PSD3: variants seen among roughly 807,000 people sequenced by gnomAD.
The protein encoded by PSD3 is pleckstrin and Sec7 domain containing 3, also known as PH and SEC7 domain-containing protein 3.
In PSD3, 49 loss-of-function variants were observed where a neutral mutation model predicts 105.5. The ratio of observed to expected loss-of-function variants is 0.46; its 90% CI spans 0.37 to 0.59. PSD3 has a LOEUF of 0.59. Among genes scored for constraint, PSD3 ranks in the 20% least tolerant of loss-of-function variants. The pLI is 0.00. For missense variants in PSD3, 1,561 were observed against 1,263.8 expected (o/e 1.24, Z -3.57); for synonymous variants, 557 against 457.8 (o/e 1.22, Z -2.77).
At chr8:19,049,244 G>C (rs552134709) in intron 1 of PSD3, among the ~76,000 whole-genome samples, 20 of 152,326 alleles carry the variant, frequency 1.3e-4, no homozygotes, top group Non-Finnish European at 2.9e-4. Flanking sequence ...TCCAAAAGGA[G>C]GTGATATCTT....
At chr8:18,568,245 T>A (rs545340338) in intron 14 of PSD3, among the ~76,000 whole-genome samples, 1 of 152,294 alleles carries the variant, frequency 6.6e-6, no homozygotes, top group South Asian at 2.1e-4. Context: ...TCCCAGCCAC[T>A]AAATATCACA....
chr8:18,547,721 G>A (rs1800530725), intron 15 of PSD3, among the ~76,000 whole-genome samples: 1 of 152,128 alleles, frequency 6.6e-6, no homozygotes, highest in Admixed American at 6.5e-5. Context: ...CTGCTTTCAA[G>A]ATTCTCTATG....
chr8:18,783,692 G>C (rs1023063386), intron 8 of PSD3, among the ~76,000 whole-genome samples: 2 of 152,140 alleles, frequency 1.3e-5, no homozygotes, highest in African/African-American at 4.8e-5. Flanking sequence ...GGAGTGCAGT[G>C]GCACAATCTC....
At chr8:18,788,875 G>C (rs1375411246) in intron 8 of PSD3, among the ~76,000 whole-genome samples, 1 of 152,172 alleles carries the variant, frequency 6.6e-6, no homozygotes, top group Non-Finnish European at 1.5e-5. Context: ...AAATAAGTTT[G>C]ATTATGTCAT....
At position 18,529,758 on chromosome 8, in the gene PSD3, G is replaced by T. The variant is rs1360810046; in HGVS notation, c.*5985C>A. ...TGTTTAAAGTCCAAACATTTCAAAT[G>T]GTTAAGGCCCAAAAATGAAACGTTT... On this transcript the variant is annotated 3_prime_UTR_variant, in exon 16 of 16. Transcript: ENST00000327040. 1 of 152,472 alleles carries T rather than the reference G, an allele frequency of 6.6e-6. No homozygotes were observed. The highest frequency in any genetic ancestry group is 1.5e-5 in the Non-Finnish European group (1 of 68,000). The allele number at this position is 152,472 out of a possible 1,614,324, so 9.4% of individuals were successfully genotyped here.
intron 3 of PSD3, among the ~76,000 whole-genome samples, chr8:18,870,541 G>C (rs1480508980): frequency 6.6e-6 from 1 of 152,162 alleles, no homozygotes; most frequent in Non-Finnish European, 1.5e-5. Flanking sequence ...GGTGTTGGGG[G>C]CTAAGGGAGG....
At chr8:18,545,183 C>CT (rs931274390) in intron 15 of PSD3, among the ~76,000 whole-genome samples, 83 of 152,242 alleles carry the variant, frequency 5.5e-4, no homozygotes, top group African/African-American at 1.9e-3. Context: ...CTTTTCATCT[C>CT]TTTTTTGAAA....
chr8:18,909,847 G>A (rs952157637), intron 2 of PSD3, among the ~76,000 whole-genome samples: 9 of 152,132 alleles, frequency 5.9e-5, no homozygotes, highest in Non-Finnish European at 7.4e-5. Context: ...TGTAATTTAT[G>A]TTTCTTTGTT....
At chr8:18,548,668 C>G (rs1195165208) in intron 15 of PSD3, among the ~76,000 whole-genome samples, 1 of 152,218 alleles carries the variant, frequency 6.6e-6, no homozygotes, top group Admixed American at 6.5e-5. Context: ...TGTGCCCTCT[C>G]TGAATCCCAC....
chr8:18,880,814 G>C (rs1168427362), intron 2 of PSD3, among the ~76,000 whole-genome samples: 1 of 152,166 alleles, frequency 6.6e-6, no homozygotes, highest in Non-Finnish European at 1.5e-5. Context: ...TCTTGTATGT[G>C]TGACAAAGGG....
chr8:19,067,645 G>C (rs1448889783), intron 1 of PSD3, among the ~76,000 whole-genome samples: 1 of 152,140 alleles, frequency 6.6e-6, no homozygotes, highest in Non-Finnish European at 1.5e-5. Context: ...CAGCAGCAAG[G>C]GGTGTCACTC....
At chr8:18,630,820 T>G (rs1014827754) in intron 11 of PSD3, among the ~76,000 whole-genome samples, 3 of 151,974 alleles carry the variant, frequency 2.0e-5, no homozygotes, top group Admixed American at 1.3e-4. Context: ...TTCCTTGTCA[T>G]TATTCCCCAA....
At chr8:18,708,229 G>A (rs1187982031) in intron 9 of PSD3, among the ~76,000 whole-genome samples, 7 of 152,094 alleles carry the variant, frequency 4.6e-5, no homozygotes, top group Non-Finnish European at 1.5e-5. Context: ...TAAGGATAAA[G>A]ACAACAGAAA....
At chr8:18,684,691 C>G (rs977155497) in intron 9 of PSD3, among the ~76,000 whole-genome samples, 5 of 152,162 alleles carry the variant, frequency 3.3e-5, no homozygotes, top group Non-Finnish European at 7.4e-5. Context: ...GTGTGTACGG[C>G]AAATCCAGAA....
intron 1 of PSD3, among the ~76,000 whole-genome samples, chr8:19,052,243 G>A (rs1474848919): frequency 6.6e-6 from 1 of 152,166 alleles, no homozygotes; most frequent in African/African-American, 2.4e-5. Context: ...GGAGGCCGGG[G>A]TGGGCGGATC....
chr8:18,886,542 A>T (rs1340108243), intron 2 of PSD3, among the ~76,000 whole-genome samples: 2 of 152,224 alleles, frequency 1.3e-5, no homozygotes, highest in Admixed American at 6.5e-5. Flanking sequence ...TCACAGCAGC[A>T]TTTAAAAGAA....
chr8:18,706,558 A>T (rs893588355), intron 9 of PSD3, among the ~76,000 whole-genome samples: 2 of 152,242 alleles, frequency 1.3e-5, no homozygotes, highest in Non-Finnish European at 2.9e-5. Flanking sequence ...ATAGAAGAGC[A>T]CTGGTGGTGC....
intron 4 of PSD3, among the ~76,000 whole-genome samples, chr8:18,840,438 T>C (rs1814525353): frequency 6.6e-6 from 1 of 152,238 alleles, no homozygotes; most frequent in African/African-American, 2.4e-5. Flanking sequence ...CAGTGGGATC[T>C]ATCATGAGCT....
intron 15 of PSD3, among the ~76,000 whole-genome samples, chr8:18,549,351 T>C (rs1800631377): frequency 6.6e-6 from 1 of 152,072 alleles, no homozygotes; most frequent in Non-Finnish European, 1.5e-5. Context: ...CTGGCTAATT[T>C]TGTATTTTTA....
Sources: gnomAD v4.1 joint callset for allele counts (sites outside exome capture counted in the v4.1 genomes callset) on GRCh38, gnomAD v4.1.1 for gene constraint, MANE v1.5 for transcripts, NCBI Gene and HGNC (gene_info 2026-07-23, HGNC 2026-07-21) for gene names.